KIAA1217: variants seen among roughly 807,000 people sequenced by gnomAD.
KIAA1217 encodes the protein sickle tail protein homolog.
A neutral mutation model predicts 163.9 loss-of-function variants in KIAA1217; 88 were observed. The observed-to-expected ratio is 0.54, with a 90% CI of 0.45 to 0.64. The LOEUF (loss-of-function observed/expected upper bound fraction) is 0.64. Among genes scored for constraint, KIAA1217 ranks in the 30% least tolerant of loss-of-function variants. The probability of loss-of-function intolerance (pLI) is 0.00; values close to 1 mark genes in which losing one functional copy is unlikely to be tolerated. For missense variants in KIAA1217, 2,372 were observed against 2,475.0 expected (o/e 0.96, Z 0.88); for synonymous variants, 903 against 923.1 (o/e 0.98, Z 0.39).
chr10:24,522,536 A>C (rs372876931), intron 12 of KIAA1217, among the ~76,000 whole-genome samples: 9 of 152,342 alleles, frequency 5.9e-5, no homozygotes, highest in East Asian at 5.8e-4. Context: ...GGAACAAAGC[A>C]TTTTGAGTGG....
rs183636698 is a variant in KIAA1217, at chr10:23,750,811, C to A, written c.-321+55577C>A. On this transcript the variant is annotated intron_variant, in intron 1 of 18. Coordinates refer to the KIAA1217 transcript ENST00000376462. ...ATCTTGGCAGAATGAAGTGTTGGTCCTATTTTACATGATCATTAATATGGT... is the reference window on the plus strand; with the variant it reads ...ATCTTGGCAGAATGAAGTGTTGGTCATATTTTACATGATCATTAATATGGT... 6.3e-4 allele frequency among the ~76,000 whole-genome samples: 96 copies of A among 152,168 alleles called. 1 individual carries two copies. The highest frequency in any genetic ancestry group is 2.2e-3 in the African/African-American group (93 of 41,514).
At chr10:24,496,076 G>C (rs2066747689) in intron 8 of KIAA1217, among the ~76,000 whole-genome samples, 1 of 152,228 alleles carries the variant, frequency 6.6e-6, no homozygotes, top group Non-Finnish European at 1.5e-5. Context: ...TACACAGAAA[G>C]CATATGGCAA....
chr10:23,802,478 G>C (rs1836516127), intron 1 of KIAA1217, among the ~76,000 whole-genome samples: 1 of 152,116 alleles, frequency 6.6e-6, no homozygotes. Flanking sequence ...TGACCTCTCT[G>C]CAAATTGTAC....
intron 2 of KIAA1217, among the ~76,000 whole-genome samples, chr10:24,134,640 C>A (rs554757274): frequency 1.3e-5 from 2 of 152,220 alleles, no homozygotes; most frequent in East Asian, 3.9e-4. Flanking sequence ...GTAGCATGAT[C>A]AGAGCTCACT....
chr10:24,011,272 G>T (rs192593638), intron 2 of KIAA1217, among the ~76,000 whole-genome samples: 1 of 152,206 alleles, frequency 6.6e-6, no homozygotes, highest in Admixed American at 6.5e-5. Flanking sequence ...GATCTCTTGA[G>T]GCCAGGAGTT....
At chr10:23,974,016 C>T (rs1845432737) in intron 1 of KIAA1217, among the ~76,000 whole-genome samples, 2 of 152,124 alleles carry the variant, frequency 1.3e-5, no homozygotes, top group South Asian at 2.1e-4. Context: ...CTTTGGAATA[C>T]AATTTGGGTT....
chr10:24,440,546 G>C (rs928396452), intron 5 of KIAA1217, among the ~76,000 whole-genome samples: 1 of 152,206 alleles, frequency 6.6e-6, no homozygotes, highest in African/African-American at 2.4e-5. Flanking sequence ...AGGACCAGCA[G>C]TGAGGACTGA....
intron 5 of KIAA1217, among the ~76,000 whole-genome samples, chr10:24,467,000 A>G (rs1327952931): frequency 6.6e-6 from 1 of 152,148 alleles, no homozygotes; most frequent in Non-Finnish European, 1.5e-5. Context: ...ACATGATTAC[A>G]TGAGGCAGTT....
At chr10:23,734,920 AC>A (rs1838706814) in intron 1 of KIAA1217, among the ~76,000 whole-genome samples, 1 of 152,064 alleles carries the variant, frequency 6.6e-6, no homozygotes, top group South Asian at 2.1e-4. Context: ...TTAAGTCTAT[AC>A]CTGGTAGTTA....
chr10:24,126,719 A>G (rs1387750485), intron 2 of KIAA1217, among the ~76,000 whole-genome samples: 1 of 152,180 alleles, frequency 6.6e-6, no homozygotes, highest in East Asian at 1.9e-4. Flanking sequence ...CCCTGGTTAT[A>G]AATTCTGAGT....
At chr10:24,184,834 G>T (rs771823152) in intron 2 of KIAA1217, among the ~76,000 whole-genome samples, 24 of 152,164 alleles carry the variant, frequency 1.6e-4, no homozygotes, top group Non-Finnish European at 3.2e-4. Flanking sequence ...ACCAGATGAG[G>T]TCTTTATACT....
intron 3 of KIAA1217, among the ~76,000 whole-genome samples, chr10:24,402,388 A>G (rs911100659): frequency 2.0e-5 from 3 of 152,072 alleles, no homozygotes; most frequent in Admixed American, 6.5e-5. Flanking sequence ...GGGCGCCTGT[A>G]GTCCCAACTA....
intron 2 of KIAA1217, among the ~76,000 whole-genome samples, chr10:24,363,168 C>T (rs1391353407): frequency 6.6e-6 from 1 of 152,132 alleles, no homozygotes; most frequent in African/African-American, 2.4e-5. Flanking sequence ...AAATAAATAT[C>T]GCTTGTCATT....
At chr10:23,849,347 C>G (rs1191251805) in intron 1 of KIAA1217, among the ~76,000 whole-genome samples, 1 of 152,026 alleles carries the variant, frequency 6.6e-6, no homozygotes, top group Non-Finnish European at 1.5e-5. Context: ...TGTAGCAGAG[C>G]TTCAATATCT....
chr10:24,131,338 T>C (rs143763745), intron 2 of KIAA1217, among the ~76,000 whole-genome samples: 41 of 152,346 alleles, frequency 2.7e-4, no homozygotes, highest in Non-Finnish European at 5.7e-4. Flanking sequence ...CAACAACATT[T>C]ACCCATCCTG....
rs1055578635 is a variant in KIAA1217 at position 24,469,500 on chromosome 10, C to G, written c.847-3728C>G. ...TCTGCTGGTTAATTGGGATCGTAGTCCCCCAGATAAAGATGTACTCTGAAG... is the reference window on the plus strand; with the variant it reads ...TCTGCTGGTTAATTGGGATCGTAGTGCCCCAGATAAAGATGTACTCTGAAG... On this transcript the variant is annotated intron_variant, in intron 5 of 20. Coordinates refer to ENST00000376454, the MANE Select transcript of KIAA1217 (RefSeq NM_019590.5). Among the ~76,000 whole-genome samples, 4 of 151,842 alleles carry G rather than the reference C, an allele frequency of 2.6e-5. No homozygotes were observed. The East Asian group carries it at 7.7e-4, about 29-fold the overall frequency.
intron 1 of KIAA1217, among the ~76,000 whole-genome samples, chr10:24,005,991 C>T (rs570703749): frequency 1.5e-4 from 23 of 152,212 alleles, no homozygotes; most frequent in African/African-American, 4.8e-4. Context: ...CAAATGGTTT[C>T]GCCAGGAACC....
At chr10:24,305,515 G>A (rs1253033070) in intron 2 of KIAA1217, among the ~76,000 whole-genome samples, 2 of 152,100 alleles carry the variant, frequency 1.3e-5, no homozygotes, top group Non-Finnish European at 2.9e-5. Context: ...GGTTAGTTTT[G>A]GGAAGGGACT....
chr10:23,961,524 T>C (rs1844819280), intron 1 of KIAA1217, among the ~76,000 whole-genome samples: 1 of 152,232 alleles, frequency 6.6e-6, no homozygotes, highest in South Asian at 2.1e-4. Flanking sequence ...GCTCTCTGTG[T>C]GTGTGCCATA....
Sources: allele counts gnomAD v4.1 joint callset (sites outside exome capture counted in the v4.1 genomes callset), GRCh38; gene constraint gnomAD v4.1.1; transcripts MANE v1.5; gene names NCBI Gene and HGNC (gene_info 2026-07-23, HGNC 2026-07-21).